SAMD8: variants seen among roughly 807,000 people sequenced by gnomAD.
The protein encoded by SAMD8 is sphingomyelin synthase-related protein 1.
A neutral mutation model predicts 42.0 loss-of-function variants in SAMD8; 20 were observed. The observed-to-expected ratio is 0.48, with a 90% confidence interval of 0.34 to 0.69. SAMD8 has a LOEUF of 0.69. SAMD8 is among the 30% of genes least tolerant of loss of function. The probability of loss-of-function intolerance (pLI) is 0.01; values close to 1 mark genes in which losing one functional copy is unlikely to be tolerated. For missense variants in SAMD8, 328 were observed against 511.6 expected (o/e 0.64, Z 3.46); for synonymous variants, 162 against 173.0 (o/e 0.94, Z 0.50).
chr10:75,123,787 C>T (rs765809459), intron 1 of SAMD8, among the ~76,000 whole-genome samples: 4 of 151,782 alleles, frequency 2.6e-5, no homozygotes, highest in Non-Finnish European at 4.4e-5. Context: ...GCCTCCAGGG[C>T]TCAAGCGACT....
chr10:75,134,985 C>T (rs1337904558), intron 1 of SAMD8, among the ~76,000 whole-genome samples: 1 of 151,916 alleles, frequency 6.6e-6, no homozygotes, highest in East Asian at 1.9e-4. Context: ...CACTTGAGCC[C>T]AGGGGTTTGA....
At chr10:75,171,656 T>G (rs1185458350) in intron 4 of SAMD8, among the ~76,000 whole-genome samples, 3 of 152,234 alleles carry the variant, frequency 2.0e-5, no homozygotes, top group Admixed American at 6.5e-5. Flanking sequence ...ATTGTGCTTT[T>G]GCACTTACTC....
intron 2 of SAMD8, among the ~76,000 whole-genome samples, chr10:75,152,789 C>G (rs1212717825): frequency 6.6e-6 from 1 of 152,028 alleles, no homozygotes; most frequent in Non-Finnish European, 1.5e-5. Context: ...TCACTTGAGC[C>G]TAACAGGTTG....
At chr10:75,132,147 C>T (rs1013002834) in intron 1 of SAMD8, among the ~76,000 whole-genome samples, 3 of 152,170 alleles carry the variant, frequency 2.0e-5, no homozygotes, top group African/African-American at 7.2e-5. Context: ...GAGATGCAAA[C>T]AACCTTTTCT....
chr10:75,178,232 G>A lies in SAMD8; in HGVS notation c.*1540G>A, dbSNP rs925228643. The A allele has an allele frequency of 2.0e-5, 3 of 152,204 alleles. No homozygotes were observed. The highest frequency in any genetic ancestry group is 7.2e-5 in the African/African-American group (3 of 41,444). 9.4% of individuals were successfully genotyped at this position (152,204 alleles called of 1,614,324 possible). A position where few individuals can be genotyped will look rare whatever the true frequency, so the allele number is the denominator to read the frequency against. On this transcript the variant is annotated 3_prime_UTR_variant, in exon 6 of 6. Coordinates refer to ENST00000542569, the MANE Select transcript of SAMD8 (RefSeq NM_001174156.2). ...AGCTAGTGCTGAATGACCCCAATTTGGGTCTGCTGTGAACATCATTTTTGT... is the reference window on the plus strand; with the variant it reads ...AGCTAGTGCTGAATGACCCCAATTTAGGTCTGCTGTGAACATCATTTTTGT...
rs752516874 is a variant in SAMD8, at chr10:75,181,497, A to G, written c.*4805A>G. On this transcript the variant is annotated 3_prime_UTR_variant, in exon 6 of 6. Transcript: ENST00000542569. ...GACCAATTACTTTGCTTCAAGTTCT[A>G]TACAAATATCTCTGAAATCTGTAAG... 1.3e-5 allele frequency: 2 copies of G among 152,220 alleles called. No homozygotes were observed. The highest frequency in any genetic ancestry group is 4.8e-5 in the African/African-American group (2 of 41,470). 9.4% of individuals were successfully genotyped at this position (152,220 alleles called of 1,614,324 possible).
intron 1 of SAMD8, among the ~76,000 whole-genome samples, chr10:75,112,274 A>AG (rs1316740453): frequency 6.6e-6 from 1 of 152,150 alleles, no homozygotes; most frequent in African/African-American, 2.4e-5. Flanking sequence ...GACTAGAAGG[A>AG]GGAGGGCTGT....
intron 4 of SAMD8, among the ~76,000 whole-genome samples, chr10:75,170,685 C>G (rs1840831591): frequency 6.6e-6 from 1 of 151,180 alleles, no homozygotes; most frequent in South Asian, 2.1e-4. Flanking sequence ...TTACCACACC[C>G]TATAAATAAT....
At chr10:75,172,241 C>T (rs1292311840) in intron 4 of SAMD8, among the ~76,000 whole-genome samples, 8 of 152,042 alleles carry the variant, frequency 5.3e-5, no homozygotes, top group East Asian at 1.9e-4. Flanking sequence ...GCATGGTGTG[C>T]GCAGTTTCTT....
intron 2 of SAMD8, among the ~76,000 whole-genome samples, chr10:75,158,523 T>C (rs547847262): frequency 1.7e-3 from 265 of 151,514 alleles, no homozygotes; most frequent in Non-Finnish European, 3.2e-3. Flanking sequence ...ACCTAGGAGG[T>C]GGAGGTTGCA....
At chr10:75,149,082 T>G (rs1840219420) in intron 1 of SAMD8, among the ~76,000 whole-genome samples, 1 of 152,194 alleles carries the variant, frequency 6.6e-6, no homozygotes, top group Non-Finnish European at 1.5e-5. Context: ...TTGCCTACCA[T>G]TTTTAAAAAA....
At chr10:75,111,263 T>C (rs937321177), upstream of SAMD8, among the ~76,000 whole-genome samples, 3 of 152,232 alleles carry the variant, frequency 2.0e-5, no homozygotes, top group African/African-American at 7.2e-5. Context: ...TACCTCCTTC[T>C]AGGCCCTAAC....
At chr10:75,141,538 C>CT (rs60925019) in intron 1 of SAMD8, among the ~76,000 whole-genome samples, 1,410 of 134,786 alleles carry the variant, frequency 0.01, 31 homozygotes, top group African/African-American at 0.032. Context: ...ATGCCTTTTA[C>CT]TTTTTTTTTT....
At chr10:75,123,535 T>A (rs2134431949) in intron 1 of SAMD8, among the ~76,000 whole-genome samples, 1 of 152,286 alleles carries the variant, frequency 6.6e-6, no homozygotes, top group East Asian at 1.9e-4. Context: ...CCTGACAGGC[T>A]TAAAAATCAA....
chr10:75,100,472 C>T (rs1250668951), intron 1 of SAMD8, among the ~76,000 whole-genome samples: 1 of 152,158 alleles, frequency 6.6e-6, no homozygotes, highest in African/African-American at 2.4e-5. Flanking sequence ...GAGGGGAAGT[C>T]GGTGGTTGTG....
At position 75,173,842 on chromosome 10, in the gene SAMD8, G is replaced by A. The variant is rs187987394; in HGVS notation, c.793-2224G>A. ...TTTGATAGAATCTTTAAGACATAGG[G>A]CTTTGGAATTGGGTTCCCTGGGTTC... On this transcript the variant is annotated intron_variant, in intron 4 of 5. Transcript: ENST00000542569. Among the ~76,000 whole-genome samples, 901 of 152,222 alleles carry A rather than the reference G, an allele frequency of 5.9e-3. 3 individuals carry two copies. The highest frequency in any genetic ancestry group is 0.01 in the Non-Finnish European group (691 of 68,016).
intron 2 of SAMD8, among the ~76,000 whole-genome samples, chr10:75,157,234 G>GGAGAGA (rs139540562): frequency 1.3e-5 from 2 of 148,330 alleles, no homozygotes; most frequent in East Asian, 2.0e-4. Context: ...ATGATGAGGG[G>GGAGAGA]GAGAGAGAGA....
intron 1 of SAMD8, among the ~76,000 whole-genome samples, chr10:75,142,122 A>G (rs1228389408): frequency 6.6e-6 from 1 of 151,430 alleles, no homozygotes; most frequent in Non-Finnish European, 1.5e-5. Flanking sequence ...TAATTTTTGT[A>G]TTTTTAGTAG....
chr10:75,128,959 C>T (rs545158278), intron 1 of SAMD8, among the ~76,000 whole-genome samples: 71 of 152,206 alleles, frequency 4.7e-4, no homozygotes, highest in East Asian at 2.7e-3. Flanking sequence ...GCAAAAGGGT[C>T]TTTTAACAAA....
Sources: allele counts gnomAD v4.1 joint callset (sites outside exome capture counted in the v4.1 genomes callset), GRCh38; gene constraint gnomAD v4.1.1; transcripts MANE v1.5; gene names NCBI Gene and HGNC (gene_info 2026-07-23, HGNC 2026-07-21).